The following ST8SIA4 variants were observed in gnomAD, a reference collection of about 807,000 sequenced individuals.
ST8SIA4 encodes CMP-N-acetylneuraminate-poly-alpha-2,8-sialyltransferase.
A neutral mutation model predicts 33.9 loss-of-function variants in ST8SIA4; 15 were observed. That is an observed-to-expected ratio of 0.44 (90% confidence interval 0.30 to 0.68). The LOEUF (loss-of-function observed/expected upper bound fraction) is 0.68. Ranked by LOEUF, ST8SIA4 falls within the 30% of genes least tolerant of loss-of-function variation. ST8SIA4 has a pLI of 0.10. For missense variants in ST8SIA4, 321 were observed against 428.0 expected, an observed-to-expected ratio of 0.75 and a Z score of 2.21; for synonymous variants, 171 against 151.2, an observed-to-expected ratio of 1.13 and a Z score of -0.96.
intron 4 of ST8SIA4, among the ~76,000 whole-genome samples, chr5:100,833,514 A>G (rs1339249593): frequency 6.6e-6 from 1 of 152,112 alleles, no homozygotes; most frequent in Non-Finnish European, 1.5e-5. Context: ...CCAGCCTTGA[A>G]TTTTACTGGT....
At chr5:100,865,732 T>C (rs1436877406) in intron 3 of ST8SIA4, among the ~76,000 whole-genome samples, 4 of 152,176 alleles carry the variant, frequency 2.6e-5, no homozygotes, top group Non-Finnish European at 5.9e-5. Flanking sequence ...ACACTCCCTA[T>C]TGTATTCCCC....
intron 4 of ST8SIA4, among the ~76,000 whole-genome samples, chr5:100,827,937 T>C (rs1751177398): frequency 6.6e-6 from 1 of 152,236 alleles, no homozygotes; most frequent in Non-Finnish European, 1.5e-5. Flanking sequence ...ACATCAGTAC[T>C]GTACACTGTT....
chr5:100,840,113 T>G (rs1032354840), intron 4 of ST8SIA4, among the ~76,000 whole-genome samples: 4 of 151,950 alleles, frequency 2.6e-5, no homozygotes, highest in African/African-American at 7.2e-5. Flanking sequence ...GTCTTATCAG[T>G]GAGACACAGC....
At chr5:100,896,839 T>G (rs915725330) in intron 1 of ST8SIA4, among the ~76,000 whole-genome samples, 5 of 152,198 alleles carry the variant, frequency 3.3e-5, no homozygotes, top group African/African-American at 4.8e-5. Flanking sequence ...AATTTCATTT[T>G]TACAGAAGGC....
intron 4 of ST8SIA4, among the ~76,000 whole-genome samples, chr5:100,825,004 T>G (rs996187821): frequency 7.2e-5 from 11 of 152,052 alleles, no homozygotes; most frequent in Non-Finnish European, 1.6e-4. Flanking sequence ...GGGGTTACAG[T>G]GAGCTATTAT....
At chr5:100,857,398 A>T (rs1314369009) in intron 3 of ST8SIA4, among the ~76,000 whole-genome samples, 1 of 151,768 alleles carries the variant, frequency 6.6e-6, no homozygotes, top group East Asian at 1.9e-4. Flanking sequence ...TTTTAAAAAA[A>T]CTATTTTTAA....
chr5:100,829,628 G>T (rs963455667), intron 4 of ST8SIA4, among the ~76,000 whole-genome samples: 2 of 152,074 alleles, frequency 1.3e-5, no homozygotes, highest in Non-Finnish European at 2.9e-5. Context: ...ACTACATGTC[G>T]GCCGGGCGCG....
Position 100,860,261 on chromosome 5 carries a change from A to G in ST8SIA4, c.504-3865T>C, listed in dbSNP as rs367630774. Among the ~76,000 whole-genome samples the G allele has an allele frequency of 1.1e-3, 174 of 152,156 alleles. 3 individuals are homozygous for G. The East Asian group carries it at 0.025, about 22-fold the overall frequency. The stretch of plus-strand genomic sequence containing the variant: ...TATCATCCTTTTTCTTTTTTGGCCA[A>G]TCCCACTGTGTTGCTTCCTGTGCTA... On this transcript the variant is annotated intron_variant, in intron 3 of 4. Transcript: ENST00000231461.
At chr5:100,869,431 T>C (rs890645220) in intron 3 of ST8SIA4, among the ~76,000 whole-genome samples, 1 of 152,204 alleles carries the variant, frequency 6.6e-6, no homozygotes, top group Non-Finnish European at 1.5e-5. Context: ...TTCACATTAA[T>C]ATGAATCATA....
intron 3 of ST8SIA4, among the ~76,000 whole-genome samples, chr5:100,864,329 C>T (rs961907277): frequency 3.3e-5 from 5 of 152,038 alleles, no homozygotes; most frequent in African/African-American, 9.7e-5. Flanking sequence ...AATCCCAGCA[C>T]TTTGGGAGGC....
chr5:100,889,715 C>T (rs1270094900), intron 2 of ST8SIA4, among the ~76,000 whole-genome samples: 1 of 151,844 alleles, frequency 6.6e-6, no homozygotes, highest in Non-Finnish European at 1.5e-5. Flanking sequence ...AAGAGTTAAG[C>T]ACAGTTTTAA....
intron 4 of ST8SIA4, among the ~76,000 whole-genome samples, chr5:100,841,650 G>C (rs1751473653): frequency 6.6e-6 from 1 of 151,676 alleles, no homozygotes; most frequent in South Asian, 2.1e-4. Flanking sequence ...TGCTTTGTTT[G>C]TGTGTTTTGT....
intron 4 of ST8SIA4, among the ~76,000 whole-genome samples, chr5:100,841,642 C>A (rs1354563039): frequency 1.3e-5 from 2 of 151,800 alleles, no homozygotes; most frequent in African/African-American, 4.8e-5. Flanking sequence ...TCCTTCCTTG[C>A]TTTGTTTGTG....
intron 3 of ST8SIA4, among the ~76,000 whole-genome samples, chr5:100,868,314 A>T (rs1378801161): frequency 6.6e-6 from 1 of 152,094 alleles, no homozygotes; most frequent in Non-Finnish European, 1.5e-5. Flanking sequence ...ACATAATTTT[A>T]AGAAAATTTG....
intron 2 of ST8SIA4, among the ~76,000 whole-genome samples, chr5:100,891,549 A>G (rs1752665888): frequency 6.6e-6 from 1 of 152,072 alleles, no homozygotes; most frequent in Admixed American, 6.6e-5. Context: ...AAAAATCTTA[A>G]ACACAACAAA....
chr5:100,873,579 T>C (rs891480412), intron 3 of ST8SIA4, among the ~76,000 whole-genome samples: 18 of 152,118 alleles, frequency 1.2e-4, no homozygotes, highest in Admixed American at 9.2e-4. Context: ...GAGTCCACCA[T>C]ATAACACCAA....
At chr5:100,834,700 A>T (rs967674332) in intron 4 of ST8SIA4, among the ~76,000 whole-genome samples, 2 of 151,964 alleles carry the variant, frequency 1.3e-5, no homozygotes, top group African/African-American at 4.8e-5. Context: ...TGCGATAGTG[A>T]GTGGGTTCTC....
chr5:100,851,713 C>T (rs549617069), intron 4 of ST8SIA4, among the ~76,000 whole-genome samples: 198 of 152,038 alleles, frequency 1.3e-3, no homozygotes, highest in African/African-American at 4.5e-3. Flanking sequence ...AAGAAATTCT[C>T]GTCATAGTTT....
chr5:100,893,198 T>C (rs1752710545), intron 2 of ST8SIA4, among the ~76,000 whole-genome samples: 1 of 152,146 alleles, frequency 6.6e-6, no homozygotes, highest in Non-Finnish European at 1.5e-5. Context: ...TTCAAAAATA[T>C]TTGCAAAAGC....
Sources: allele counts gnomAD v4.1 joint callset (sites outside exome capture counted in the v4.1 genomes callset), GRCh38; gene constraint gnomAD v4.1.1; transcripts MANE v1.5; gene names NCBI Gene and HGNC (gene_info 2026-07-23, HGNC 2026-07-21).